The following COL8A1 variants were observed in gnomAD, a reference collection of about 807,000 sequenced individuals.
COL8A1 encodes collagen alpha-1(VIII) chain.
COL8A1 carries 21 observed loss-of-function variants against 42.7 expected under a neutral mutation model. That is an observed-to-expected ratio of 0.49 (90% confidence interval 0.35 to 0.71). The LOEUF (loss-of-function observed/expected upper bound fraction) is 0.71. COL8A1 is among the 30% of genes least tolerant of loss of function. COL8A1 has a pLI of 0.01. For missense variants in COL8A1, 788 were observed against 962.4 expected, an observed-to-expected ratio of 0.82 and a Z score of 2.40; for synonymous variants, 367 against 369.1, an observed-to-expected ratio of 0.99 and a Z score of 0.06.
At chr3:99,675,840 C>T (rs1938676752) in intron 1 of COL8A1, 1 of 152,436 alleles carries the variant, frequency 6.6e-6, no homozygotes, top group Admixed American at 6.6e-5. Flanking sequence ...TAAATACTCA[C>T]ACATTAGTGT....
intron 1 of COL8A1, among the ~76,000 whole-genome samples, chr3:99,687,155 A>T (rs998219931): frequency 1.3e-5 from 2 of 152,180 alleles, no homozygotes; most frequent in Non-Finnish European, 2.9e-5. Context: ...GTAACTGTCC[A>T]TCTCTGAAAA....
At chr3:99,779,551 T>C (rs926423784) in intron 2 of COL8A1, among the ~76,000 whole-genome samples, 2 of 152,188 alleles carry the variant, frequency 1.3e-5, no homozygotes, top group African/African-American at 4.8e-5. Context: ...AGAAGGCTCC[T>C]CAGAGTGGCC....
chr3:99,724,963 G>A (rs1466160495), intron 1 of COL8A1, among the ~76,000 whole-genome samples: 2 of 151,998 alleles, frequency 1.3e-5, no homozygotes, highest in Non-Finnish European at 2.9e-5. Context: ...TTTATTACGT[G>A]ATCTTAAATA....
At chr3:99,739,871 T>TC (rs1287631950) in intron 1 of COL8A1, among the ~76,000 whole-genome samples, 1 of 152,228 alleles carries the variant, frequency 6.6e-6, no homozygotes. Context: ...CTTGAATTTC[T>TC]CCCCAGAAAA....
chr3:99,639,200 T>C (rs1937454455), intron 1 of COL8A1, among the ~76,000 whole-genome samples: 1 of 152,176 alleles, frequency 6.6e-6, no homozygotes, highest in African/African-American at 2.4e-5. Flanking sequence ...GGGTGCCCTT[T>C]GCACGGGGAC....
intron 1 of COL8A1, among the ~76,000 whole-genome samples, chr3:99,687,511 G>T (rs1939099861): frequency 6.6e-6 from 1 of 152,228 alleles, no homozygotes; most frequent in Non-Finnish European, 1.5e-5. Flanking sequence ...GAGGTTGAGA[G>T]TGGGGAGCTA....
intron 1 of COL8A1, among the ~76,000 whole-genome samples, chr3:99,722,218 G>A (rs1025260301): frequency 6.6e-6 from 1 of 152,050 alleles, no homozygotes; most frequent in Non-Finnish European, 1.5e-5. Flanking sequence ...AAAGATTCCA[G>A]GACATGAAAG....
chr3:99,715,312 A>C (rs776264384), intron 1 of COL8A1, among the ~76,000 whole-genome samples: 3 of 152,054 alleles, frequency 2.0e-5, no homozygotes, highest in Non-Finnish European at 4.4e-5. Context: ...GGTGGCTTGG[A>C]CTATTAGTGA....
intron 1 of COL8A1, chr3:99,685,477 G>C (rs1277147835): frequency 6.6e-6 from 1 of 152,068 alleles, no homozygotes; most frequent in Non-Finnish European, 1.5e-5. Flanking sequence ...ACGTGTCAAC[G>C]TGAAGTTAAG....
intron 1 of COL8A1, among the ~76,000 whole-genome samples, chr3:99,721,812 G>A (rs778175382): frequency 3.3e-5 from 5 of 151,802 alleles, no homozygotes; most frequent in Non-Finnish European, 5.9e-5. Context: ...AGGCTGATAT[G>A]TGAAAAAACA....
intron 1 of COL8A1, among the ~76,000 whole-genome samples, chr3:99,666,112 G>A (rs192207652): frequency 6.6e-6 from 1 of 152,216 alleles, no homozygotes; most frequent in African/African-American, 2.4e-5. Flanking sequence ...TGAAATCTTG[G>A]AGACTTCAGA....
chr3:99,766,586 A>C (rs970554356), intron 2 of COL8A1, among the ~76,000 whole-genome samples: 10 of 152,220 alleles, frequency 6.6e-5, no homozygotes, highest in African/African-American at 2.4e-4. Flanking sequence ...AAAAATGTGA[A>C]GCTATTAAAA....
At chr3:99,777,487 A>T (rs537657091) in intron 2 of COL8A1, among the ~76,000 whole-genome samples, 1 of 152,288 alleles carries the variant, frequency 6.6e-6, no homozygotes, top group Non-Finnish European at 1.5e-5. Flanking sequence ...TCTGTTTGCT[A>T]TTAGGGTGGA....
intron 1 of COL8A1, among the ~76,000 whole-genome samples, chr3:99,730,312 G>T (rs1347716587): frequency 1.3e-5 from 2 of 152,058 alleles, no homozygotes; most frequent in African/African-American, 4.8e-5. Flanking sequence ...GTTTTGTGAA[G>T]GAAATTCAAA....
intron 2 of COL8A1, among the ~76,000 whole-genome samples, chr3:99,777,382 A>G (rs2107444137): frequency 6.6e-6 from 1 of 152,238 alleles, no homozygotes; most frequent in East Asian, 1.9e-4. Flanking sequence ...GAACTGTGAG[A>G]TTCAGATGGA....
chr3:99,732,008 T>A (rs192705608), intron 1 of COL8A1, among the ~76,000 whole-genome samples: 1 of 152,204 alleles, frequency 6.6e-6, no homozygotes, highest in Admixed American at 6.6e-5. Context: ...ACACCAGAGC[T>A]GGAAGGGGCA....
intron 1 of COL8A1, among the ~76,000 whole-genome samples, chr3:99,711,913 G>GA (rs922045207): frequency 6.6e-6 from 1 of 151,898 alleles, no homozygotes; most frequent in Non-Finnish European, 1.5e-5. Context: ...GCTGGTGGGG[G>GA]AAAAAAAGCA....
chr3:99,677,561 T>A (rs1938738802), intron 1 of COL8A1, among the ~76,000 whole-genome samples: 1 of 152,162 alleles, frequency 6.6e-6, no homozygotes, highest in South Asian at 2.1e-4. Context: ...TCAGATAGCT[T>A]CTTAATGCAG....
At chr3:99,698,053 G>A (rs1939431566) in intron 1 of COL8A1, among the ~76,000 whole-genome samples, 1 of 152,124 alleles carries the variant, frequency 6.6e-6, no homozygotes, top group Non-Finnish European at 1.5e-5. Flanking sequence ...ACCTATGAGT[G>A]AGAACATGTG....
Sources: gnomAD v4.1 joint callset for allele counts (sites outside exome capture counted in the v4.1 genomes callset) on GRCh38, gnomAD v4.1.1 for gene constraint, MANE v1.5 for transcripts, NCBI Gene and HGNC (gene_info 2026-07-23, HGNC 2026-07-21) for gene names.